MEI4: variants seen among roughly 807,000 people sequenced by gnomAD.
MEI4 encodes the protein meiosis-specific protein MEI4.
Under a neutral mutation model 31.4 loss-of-function variants are expected in MEI4, and 27 were observed. The observed-to-expected ratio is 0.86, with a 90% CI of 0.63 to 1.19. The LOEUF (loss-of-function observed/expected upper bound fraction) is 1.19, where lower values mean the gene tolerates loss of function less well. Among genes scored for constraint, MEI4 ranks in the 50% most tolerant of loss-of-function variants. MEI4 has a pLI of 0.00. For synonymous variants in MEI4, 122 were observed against 145.4 expected (o/e 0.84, Z 1.16); for missense variants, 329 against 398.9 (o/e 0.82, Z 1.49).
At chr6:77,681,725 C>G (rs1768960573) in intron 1 of MEI4, among the ~76,000 whole-genome samples, 1 of 152,090 alleles carries the variant, frequency 6.6e-6, no homozygotes, top group African/African-American at 2.4e-5. Flanking sequence ...CAATTAAAAT[C>G]CATGCTTAGT....
chr6:77,812,937 A>T (rs541910276), intron 3 of MEI4, among the ~76,000 whole-genome samples: 15 of 152,052 alleles, frequency 9.9e-5, no homozygotes, highest in Non-Finnish European at 1.6e-4. Flanking sequence ...GCCTGAAATG[A>T]GTAGTTTTCA....
chr6:77,777,886 A>G (rs986663538), intron 3 of MEI4, among the ~76,000 whole-genome samples: 1 of 152,194 alleles, frequency 6.6e-6, no homozygotes, highest in Non-Finnish European at 1.5e-5. Context: ...AATTAAAAAA[A>G]CCTTTAAATT....
intron 3 of MEI4, among the ~76,000 whole-genome samples, chr6:77,800,029 A>G (rs921685593): frequency 1.3e-5 from 2 of 152,134 alleles, no homozygotes; most frequent in Admixed American, 6.5e-5. Flanking sequence ...CAATTCTGTG[A>G]AGAAAGTCAT....
At chr6:77,728,975 G>A (rs116101851) in intron 2 of MEI4, among the ~76,000 whole-genome samples, 267 of 152,314 alleles carry the variant, frequency 1.8e-3, no homozygotes, top group African/African-American at 5.8e-3. Context: ...GGTGATAATG[G>A]TTTAGCATAA....
At chr6:77,707,634 G>A (rs944437338) in intron 2 of MEI4, among the ~76,000 whole-genome samples, 8 of 152,172 alleles carry the variant, frequency 5.3e-5, no homozygotes, top group East Asian at 1.9e-4. Flanking sequence ...AAAGCATTTC[G>A]GAAGTCTCTG....
chr6:77,866,467 C>G (rs573875175), intron 4 of MEI4, among the ~76,000 whole-genome samples: 1 of 152,200 alleles, frequency 6.6e-6, no homozygotes, highest in South Asian at 2.1e-4. Flanking sequence ...GAGTGAACTC[C>G]CATTCACAAT....
chr6:77,681,404 G>A (rs1238028994), intron 1 of MEI4, among the ~76,000 whole-genome samples: 1 of 152,094 alleles, frequency 6.6e-6, no homozygotes, highest in Non-Finnish European at 1.5e-5. Context: ...TAAAATACCG[G>A]TGTAACCACG....
intron 3 of MEI4, among the ~76,000 whole-genome samples, chr6:77,808,193 A>G (rs562366494): frequency 1.3e-5 from 2 of 152,324 alleles, no homozygotes; most frequent in Admixed American, 6.5e-5. Flanking sequence ...ATTCACTAAT[A>G]TAAGTATTCA....
chr6:77,867,985 G>T (rs148286053), intron 4 of MEI4, among the ~76,000 whole-genome samples: 6 of 151,200 alleles, frequency 4.0e-5, no homozygotes, highest in African/African-American at 1.2e-4. Context: ...ACCAAACACC[G>T]CATGTTCTCA....
intron 2 of MEI4, among the ~76,000 whole-genome samples, chr6:77,735,858 G>A (rs551760117): frequency 6.6e-6 from 1 of 151,990 alleles, no homozygotes; most frequent in African/African-American, 2.4e-5. Flanking sequence ...TAACAGACAG[G>A]ACCCTCAGCT....
rs184666248 is a variant in MEI4 at position 77,690,777 on chromosome 6, C to T, written c.106C>T (p.Leu36Phe). 2 of 1,231,516 alleles carry T rather than the reference C, an allele frequency of 1.6e-6. No homozygotes were observed. The highest frequency in any genetic ancestry group is 1.6e-5 in the African/African-American group (1 of 64,486). The allele number at this position is 1,231,516 out of a possible 1,614,324, so 76.3% of individuals were successfully genotyped here. A position where few individuals can be genotyped will look rare whatever the true frequency, so the allele number is the denominator to read the frequency against. ...AAGCAGCAGAGAATACACAGAGCAC[C>T]TTGCTATGTTGCTGTCTGAGGAGCA... Reference protein sequence around the residue: ...DKSSREYTEHLAMLLSEEQSK... With the variant: ...DKSSREYTEHFAMLLSEEQSK... Residue 36 changes from leucine (L) to phenylalanine (F), a missense_variant, in exon 2 of 5, where the codon CTT (leucine) becomes TTT (phenylalanine). Physicochemically the swap from Leu to Phe is conservative, Grantham distance 22. Coordinates refer to ENST00000684080, the MANE Select transcript of MEI4 (RefSeq NM_001322247.2).
In MEI4 at chr6:77,820,183, G is replaced by T. The variant is rs1242136285; in HGVS notation, c.769-8748G>T. Among the ~76,000 whole-genome samples the T allele has an allele frequency of 6.6e-6, 1 of 152,014 alleles. No individual in the cohort carries two copies. Among genetic ancestry groups the T allele is most frequent in the African/African-American group, 2.4e-5 (1 of 41,408 alleles). On this transcript the variant is annotated intron_variant, in intron 3 of 4. Coordinates refer to ENST00000684080, the MANE Select transcript of MEI4 (RefSeq NM_001322247.2). This position sits in a 1 kb window ranked among gnomAD's most constrained non-coding sequence, Gnocchi z 4.5. ...AAAACTTTAAAATAAATAGACATAA[G>T]AAAAGGGAAACAGACCTCTTCAGAA...
intron 4 of MEI4, among the ~76,000 whole-genome samples, chr6:77,885,636 C>G (rs949428157): frequency 7.9e-5 from 12 of 152,060 alleles, no homozygotes; most frequent in African/African-American, 2.9e-4. Flanking sequence ...TTAACTTTCT[C>G]TCTTCCAATT....
At chr6:77,852,170 C>T (rs1281999613) in intron 4 of MEI4, among the ~76,000 whole-genome samples, 1 of 152,164 alleles carries the variant, frequency 6.6e-6, no homozygotes, top group Non-Finnish European at 1.5e-5. Context: ...CTCAGCCTCT[C>T]TGTATCAGAA....
At chr6:77,663,022 TAAAG>T (rs1768541939) in intron 1 of MEI4, among the ~76,000 whole-genome samples, 2 of 152,168 alleles carry the variant, frequency 1.3e-5, no homozygotes, top group Admixed American at 1.3e-4. Context: ...AAAGGAATAG[TAAAG>T]AAAGCATGTT....
intron 1 of MEI4, among the ~76,000 whole-genome samples, chr6:77,655,593 A>C (rs998522676): frequency 6.6e-6 from 1 of 152,150 alleles, no homozygotes; most frequent in Non-Finnish European, 1.5e-5. Flanking sequence ...TCTATCAAGG[A>C]GGTAAAATAG....
chr6:77,843,090 TAAAA>T (rs10710679), intron 4 of MEI4, among the ~76,000 whole-genome samples: 1 of 143,884 alleles, frequency 7.0e-6, no homozygotes, highest in Non-Finnish European at 1.5e-5. Context: ...TTACTATTAT[TAAAA>T]AAAAAAAAAA....
intron 3 of MEI4, among the ~76,000 whole-genome samples, chr6:77,762,067 A>T (rs1768059633): frequency 6.6e-6 from 1 of 152,102 alleles, no homozygotes. Flanking sequence ...ATTCCTCATG[A>T]TGGATTATCT....
At chr6:77,860,153 C>T (rs1374874811) in intron 4 of MEI4, among the ~76,000 whole-genome samples, 1 of 152,190 alleles carries the variant, frequency 6.6e-6, no homozygotes, top group East Asian at 1.9e-4. Context: ...TAGACTGAGA[C>T]TCAGTATCCC....
Sources: allele counts gnomAD v4.1 joint callset (sites outside exome capture counted in the v4.1 genomes callset), GRCh38; gene constraint gnomAD v4.1.1; non-coding constraint Gnocchi (gnomAD v3.1); transcripts MANE v1.5; gene names NCBI Gene and HGNC (gene_info 2026-07-23, HGNC 2026-07-21).